Variants in UBXN8 observed in about 807,000 individuals in gnomAD.
UBXN8 encodes the protein UBX domain protein 8, also known as UBX domain-containing protein 8.
UBXN8 carries 27 observed loss-of-function variants against 32.1 expected under a neutral mutation model. The observed-to-expected ratio is 0.84, with a 90% confidence interval of 0.62 to 1.16. The LOEUF (loss-of-function observed/expected upper bound fraction) is 1.16, where lower values mean the gene tolerates loss of function less well. UBXN8 is among the 50% of genes most tolerant of loss of function. UBXN8 has a pLI of 0.00. For missense variants in UBXN8, 306 were observed against 311.4 expected, an observed-to-expected ratio of 0.98 and a Z score of 0.13; for synonymous variants, 109 against 111.8, an observed-to-expected ratio of 0.98 and a Z score of 0.16.
Position 30,753,096 on chromosome 8 carries a change from A to G in UBXN8, c.273A>G (p.Gln91=). The change falls in exon 3 of 8, where the codon CAA becomes CAG. Residue 91 remains glutamine, a synonymous_variant. Transcript: ENST00000265616. ...KLVRKKQQEA[Q]GEKASRYIEN... Reference sequence around the variant, plus strand: ...TGAGAAAAAAACAACAAGAAGCACAAGGAGAGAAGGTAAGGCAGAATTTTT... The same window carrying G: ...TGAGAAAAAAACAACAAGAAGCACAGGGAGAGAAGGTAAGGCAGAATTTTT... The G allele has an allele frequency of 2.0e-6, 3 of 1,527,560 alleles. No homozygotes were observed. Among genetic ancestry groups the G allele is most frequent in the South Asian group, 1.3e-5 (1 of 76,306 alleles). The allele number at this position is 1,527,560 out of a possible 1,614,324, so 94.6% of individuals were successfully genotyped here. A position where few individuals can be genotyped will look rare whatever the true frequency, so the allele number is the denominator to read the frequency against.
Position 30,749,399 on chromosome 8 carries a change from A to AT in UBXN8, c.89-1997_89-1996insT, listed in dbSNP as rs1554577883. 5.4e-3 allele frequency among the ~76,000 whole-genome samples: 422 copies of AT among 77,768 alleles called. 7 individuals carry two copies. The East Asian group carries it at 0.055, about 10-fold the overall frequency. The allele number at this position is 77,768 out of a possible 152,430, so 51.0% of individuals were successfully genotyped here. On this transcript the variant is annotated intron_variant, in intron 1 of 7. Transcript: ENST00000265616. ...CAGACTGAGGCTCCGTCTCAAAAAA[A>AT]AAAAATAAAATAAATAAATAAATAA...
intron 2 of UBXN8, 146 bp from the exon 3 acceptor site, chr8:30,752,889 C>G (rs1030953406): frequency 1.1e-6 from 1 of 945,546 alleles, no homozygotes; most frequent in African/African-American, 1.7e-5. Flanking sequence ...CTATTCAACC[C>G]AAACATAAAT....
At chr8:30,743,401 G>A (rs1328693399), upstream of UBXN8, among the ~76,000 whole-genome samples, 13 of 145,794 alleles carry the variant, frequency 8.9e-5, no homozygotes, top group African/African-American at 3.3e-4. Flanking sequence ...TGATCCGCCC[G>A]CCTCGGCCTC....
At chr8:30,740,882 T>G (rs1343619080), upstream of UBXN8, among the ~76,000 whole-genome samples, 1 of 152,194 alleles carries the variant, frequency 6.6e-6, no homozygotes, top group African/African-American at 2.4e-5. Context: ...AACTTCCCAT[T>G]TATCTGGTCT....
intron 5 of UBXN8, among the ~76,000 whole-genome samples, chr8:30,758,086 C>T (rs918734468): frequency 2.6e-5 from 4 of 151,724 alleles, no homozygotes; most frequent in Admixed American, 1.3e-4. Context: ...TTAGTAGAGA[C>T]GGGGTTTCAC....
At chr8:30,731,116 A>G (rs1804941581), upstream of UBXN8, among the ~76,000 whole-genome samples, 1 of 152,194 alleles carries the variant, frequency 6.6e-6, no homozygotes, top group Non-Finnish European at 1.5e-5. Flanking sequence ...GGAAGAACAA[A>G]TGCCCTCAGC....
At chr8:30,738,308 G>C (rs1307920098) in intron 1 of UBXN8, among the ~76,000 whole-genome samples, 1 of 151,534 alleles carries the variant, frequency 6.6e-6, no homozygotes, top group East Asian at 2.0e-4. Flanking sequence ...TTGAGCCTAG[G>C]AGTTTGAGAC....
intron 5 of UBXN8, among the ~76,000 whole-genome samples, chr8:30,758,900 T>TTTG (rs1805746323): frequency 8.2e-5 from 10 of 122,026 alleles, no homozygotes; most frequent in African/African-American, 1.5e-4. Flanking sequence ...TTTTGTTTTT[T>TTTG]TTTTTTTTTT....
chr8:30,744,221 T>A lies in UBXN8; in HGVS notation c.32T>A (p.Phe11Tyr). 6.2e-7 allele frequency: 1 copy of A among 1,613,824 alleles called. No individual in the cohort carries two copies. The highest frequency in any genetic ancestry group is 1.7e-5 in the Admixed American group (1 of 59,998). The change falls in exon 1 of 8, where the codon TTC becomes TAC. Residue 11 changes from phenylalanine (F) to tyrosine (Y), a missense_variant. Phe to Tyr is a conservative substitution (Grantham distance 22, BLOSUM62 3). Transcript: ENST00000265616. The part of the protein sequence containing the change: MASRGVVGIF[F>Y]LSAVPLVCLE... ...TCACGTGGGGTTGTTGGCATTTTCTTCCTCTCTGCTGTCCCCCTTGTGTGT... is the reference window on the plus strand; with the variant it reads ...TCACGTGGGGTTGTTGGCATTTTCTACCTCTCTGCTGTCCCCCTTGTGTGT...
chr8:30,734,805 G>A (rs1031802784), intron 1 of UBXN8, among the ~76,000 whole-genome samples: 14 of 152,088 alleles, frequency 9.2e-5, no homozygotes, highest in African/African-American at 3.1e-4. Context: ...TTAGTCAGGT[G>A]TGGTGGTGCA....
At position 30,752,150 on chromosome 8, in the gene UBXN8, G is replaced by A. The variant is rs367869440; in HGVS notation, c.211+632G>A. Among the ~76,000 whole-genome samples, 15 of 152,236 alleles carry A rather than the reference G, an allele frequency of 9.9e-5. No individual in the cohort carries two copies. The East Asian group carries it at 1.5e-3, about 16-fold the overall frequency. ...CGTGATCCGCCCACCTCGGCCTCCC[G>A]ATGTGTTGGGATCACAGGCATGAGA... On this transcript the variant is annotated intron_variant, in intron 2 of 7. Transcript: ENST00000265616.
Position 30,755,760 on chromosome 8 carries a change from G to GAA in UBXN8, c.406-985_406-984dup, listed in dbSNP as rs34287599. Among the ~76,000 whole-genome samples, 300 of 88,882 alleles carry GAA rather than the reference G, an allele frequency of 3.4e-3. 4 individuals carry two copies. Among genetic ancestry groups the GAA allele is most frequent in the East Asian group, 8.9e-3 (26 of 2,926 alleles). The allele number at this position is 88,882 out of a possible 152,430, so 58.3% of individuals were successfully genotyped here. ...GAGACAGAGCAAGACCCTTTCTCCA[G>GAA]AAAAAAAAAAAAAAAAAAAAAGAAG... On this transcript the variant is annotated intron_variant, in intron 4 of 7. Transcript: ENST00000265616.
Position 30,750,543 on chromosome 8 carries a change from C to T in UBXN8, c.89-853C>T, listed in dbSNP as rs144238233. On this transcript the variant is annotated intron_variant, in intron 1 of 7. Transcript: ENST00000265616. ...ATCCCAGAACTTTGGCAGGCTGAGG[C>T]GGGCGGATCATGAGGTCAGGAGATC... is the stretch of plus-strand genomic sequence containing the variant. Among the ~76,000 whole-genome samples, 1,061 of 151,464 alleles carry T rather than the reference C, an allele frequency of 7.0e-3. 7 individuals carry two copies. Among genetic ancestry groups the T allele is most frequent in the Middle Eastern group, 0.021 (6 of 282 alleles).
chr8:30,757,684 C>A (rs895875903), intron 5 of UBXN8, among the ~76,000 whole-genome samples: 2 of 151,842 alleles, frequency 1.3e-5, no homozygotes, highest in African/African-American at 2.4e-5. Context: ...GATGGTAAAA[C>A]CCCATCTCTA....
At chr8:30,737,713 T>C (rs1398963926) in intron 1 of UBXN8, among the ~76,000 whole-genome samples, 1 of 152,090 alleles carries the variant, frequency 6.6e-6, no homozygotes, top group African/African-American at 2.4e-5. Context: ...TTAGGTATGG[T>C]AGTGCACACC....
chr8:30,750,683 G>A (rs1259395461), intron 1 of UBXN8, among the ~76,000 whole-genome samples: 3 of 150,864 alleles, frequency 2.0e-5, no homozygotes, highest in African/African-American at 7.3e-5. Flanking sequence ...TGAAGCAGGA[G>A]AATGGCATGA....
intron 6 of UBXN8, among the ~76,000 whole-genome samples, chr8:30,761,622 G>A (rs140616823): frequency 2.6e-5 from 4 of 151,848 alleles, no homozygotes; most frequent in African/African-American, 4.8e-5. Context: ...GCATATGTCC[G>A]AGCACTTTGG....
chr8:30,752,513 C>T (rs1475828397), intron 2 of UBXN8, among the ~76,000 whole-genome samples: 3 of 152,022 alleles, frequency 2.0e-5, no homozygotes, highest in African/African-American at 4.8e-5. Flanking sequence ...GGTGGGATTT[C>T]GCCATGTTGC....
At chr8:30,743,761 A>G (rs1805273156), upstream of UBXN8, among the ~76,000 whole-genome samples, 1 of 152,180 alleles carries the variant, frequency 6.6e-6, no homozygotes, top group Admixed American at 6.5e-5. Flanking sequence ...TAGGGAGATA[A>G]GGAAGGTGTT....
Sources: gnomAD v4.1 joint callset for allele counts (sites outside exome capture counted in the v4.1 genomes callset) on GRCh38, gnomAD v4.1.1 for gene constraint, MANE v1.5 for transcripts, NCBI Gene and HGNC (gene_info 2026-07-23, HGNC 2026-07-21) for gene names.